The following ARAP2 variants were observed in gnomAD, a reference collection of about 807,000 sequenced individuals.
ARAP2 encodes arf-GAP with Rho-GAP domain, ANK repeat and PH domain-containing protein 2.
ARAP2 carries 148 observed loss-of-function variants against 194.5 expected under a neutral mutation model. That is an observed-to-expected ratio of 0.76 (90% CI 0.67 to 0.87). The LOEUF is 0.87. Ranked by LOEUF, ARAP2 falls within the 40% of genes least tolerant of loss-of-function variation. The pLI, the probability that ARAP2 is intolerant of heterozygous loss-of-function variation, is 0.00. For missense variants in ARAP2, 2,128 were observed against 1,989.7 expected (o/e 1.07, Z -1.32); for synonymous variants, 695 against 683.5 (o/e 1.02, Z -0.26).
intron 2 of ARAP2, among the ~76,000 whole-genome samples, chr4:36,218,232 G>A (rs1748399336): frequency 6.6e-6 from 1 of 152,064 alleles, no homozygotes; most frequent in South Asian, 2.1e-4. Flanking sequence ...AAATTGAATA[G>A]CACATGTTCT....
At chr4:36,074,843 T>A (rs1018155605) in intron 31 of ARAP2, among the ~76,000 whole-genome samples, 2 of 152,076 alleles carry the variant, frequency 1.3e-5, no homozygotes, top group Non-Finnish European at 2.9e-5. Flanking sequence ...ACCTACCATA[T>A]AATAACAGCT....
At chr4:36,064,052 T>C (rs930927227), downstream of ARAP2, among the ~76,000 whole-genome samples, 1 of 152,214 alleles carries the variant, frequency 6.6e-6, no homozygotes, top group Non-Finnish European at 1.5e-5. Flanking sequence ...TGATTTTGAG[T>C]TCTCAGTGAC....
intron 5 of ARAP2, among the ~76,000 whole-genome samples, chr4:36,027,179 T>C (rs553006749): frequency 6.6e-6 from 1 of 152,288 alleles, no homozygotes; most frequent in South Asian, 2.1e-4. Flanking sequence ...TTGACGTATG[T>C]AAACTCATTT....
Position 36,242,461 on chromosome 4 carries a change from G to A in ARAP2, c.-160+1718C>T, listed in dbSNP as rs1753701231. Among the ~76,000 whole-genome samples the A allele has an allele frequency of 2.6e-5, 4 of 152,010 alleles. No homozygotes were observed. The South Asian group carries it at 8.3e-4, about 31-fold the overall frequency. On this transcript the variant is annotated intron_variant, in intron 1 of 32. Coordinates refer to ENST00000303965, the MANE Select transcript of ARAP2 (RefSeq NM_015230.4). ...GAGGTGGGTTAGAAAGTAACAAAAC[G>A]AAACAACAACAACAACAAAAAACTT...
rs141615252 is a variant in ARAP2, at chr4:36,069,505, TA to T, written c.4744-1228del. Among the ~76,000 whole-genome samples, 543 of 147,006 alleles carry T rather than the reference TA, an allele frequency of 3.7e-3. 5 individuals are homozygous for T. The highest frequency in any genetic ancestry group is 0.013 in the African/African-American group (511 of 40,184). On this transcript the variant is annotated intron_variant, in intron 32 of 32. Transcript: ENST00000303965. ...TATATGTATTTTATCGCAAATGAAG[TA>T]AAAAAAAAACAAGACAGGGTTTATA...
chr4:36,072,250 T>C (rs1727161994), intron 32 of ARAP2, among the ~76,000 whole-genome samples: 2 of 152,166 alleles, frequency 1.3e-5, no homozygotes, highest in Non-Finnish European at 2.9e-5. Context: ...GCTTGGTTTA[T>C]TTTAAAGACT....
At chr4:36,076,837 C>T (rs1013129230) in intron 31 of ARAP2, among the ~76,000 whole-genome samples, 2 of 152,074 alleles carry the variant, frequency 1.3e-5, no homozygotes, top group Non-Finnish European at 2.9e-5. Context: ...TTTTATGTGG[C>T]CAAAATAGAA....
At chr4:36,092,114 TAAG>T (rs1351456676) in intron 27 of ARAP2, 94 bp from the exon 28 acceptor site, 1 of 1,358,016 alleles carries the variant, frequency 7.4e-7, no homozygotes, top group Non-Finnish European at 9.8e-7. Context: ...ATAGAAAAAA[TAAG>T]AACTTGTTTA....
intron 32 of ARAP2, 25 bp from the exon 33 acceptor site, chr4:36,068,303 C>A (rs1725989377): frequency 6.7e-7 from 1 of 1,502,058 alleles, no homozygotes; most frequent in Non-Finnish European, 8.9e-7. Context: ...AAATGTCTCA[C>A]AGGGAAGCAA....
intron 1 of ARAP2, among the ~76,000 whole-genome samples, chr4:36,240,952 C>A (rs1161879356): frequency 1.3e-5 from 2 of 152,104 alleles, no homozygotes; most frequent in African/African-American, 4.8e-5. Context: ...TGGATAATAT[C>A]GCAATAGTTA....
At chr4:36,242,129 T>C (rs1484932606) in intron 1 of ARAP2, among the ~76,000 whole-genome samples, 1 of 152,186 alleles carries the variant, frequency 6.6e-6, no homozygotes, top group Non-Finnish European at 1.5e-5. Context: ...AATTACAAGG[T>C]CCAGAACTTT....
rs960241463 is a variant in ARAP2 at position 36,187,487 on chromosome 4, T to C, written c.1642A>G (p.Thr548Ala). Residue 548 changes from threonine (T) to alanine (A), a missense_variant, in exon 8 of 33, where the codon ACA (threonine) becomes GCA (alanine). By Grantham distance (58) the Thr-to-Ala change is moderately conservative (BLOSUM62 0). Coordinates refer to ENST00000303965, the MANE Select transcript of ARAP2 (RefSeq NM_015230.4). ...ACTCTAAAAACAAAAGTTCTTTGTG[T>C]TGTAACAACTTCAAATTTGTTGTCT... ...QGDNKFEVVT[T>A]QRTFVFRVEK... 50 of 1,519,390 alleles carry C rather than the reference T, an allele frequency of 3.3e-5. No homozygotes were observed. Among genetic ancestry groups the C allele is most frequent in the Non-Finnish European group, 4.4e-5 (49 of 1,120,646 alleles). The allele number at this position is 1,519,390 out of a possible 1,614,324, so 94.1% of individuals were successfully genotyped here.
chr4:36,208,765 C>T (rs377589659), intron 6 of ARAP2, among the ~76,000 whole-genome samples: 1 of 151,548 alleles, frequency 6.6e-6, no homozygotes, highest in Admixed American at 6.6e-5. Flanking sequence ...TTTAAAATTT[C>T]TTGGTGATAT....
At chr4:36,099,961 G>A (rs1716406755) in intron 27 of ARAP2, among the ~76,000 whole-genome samples, 1 of 152,036 alleles carries the variant, frequency 6.6e-6, no homozygotes. Flanking sequence ...CCTTACAAAA[G>A]TCTGATGACT....
At chr4:36,184,620 G>T (rs1187387746) in intron 8 of ARAP2, among the ~76,000 whole-genome samples, 1 of 152,098 alleles carries the variant, frequency 6.6e-6, no homozygotes, top group Admixed American at 6.5e-5. Flanking sequence ...AATAAAACGT[G>T]TCTGTTTAAC....
intron 1 of ARAP2, among the ~76,000 whole-genome samples, chr4:36,241,709 T>G (rs546805479): frequency 1.3e-5 from 2 of 152,176 alleles, no homozygotes; most frequent in Non-Finnish European, 2.9e-5. Flanking sequence ...ATTTGATATA[T>G]TCCAAAAAAA....
chr4:36,133,070 T>C (rs542593692), intron 20 of ARAP2, among the ~76,000 whole-genome samples, 156 bp downstream of exon 20: 106 of 151,870 alleles, frequency 7.0e-4, no homozygotes, highest in African/African-American at 2.4e-3. Flanking sequence ...GGAGAAGGAA[T>C]GGTAATTAGC....
chr4:36,200,921 A>T (rs1744234652), intron 6 of ARAP2, among the ~76,000 whole-genome samples: 1 of 152,248 alleles, frequency 6.6e-6, no homozygotes, highest in South Asian at 2.1e-4. Flanking sequence ...ATTTTAAAAA[A>T]CAGGAAAAGA....
intron 6 of ARAP2, among the ~76,000 whole-genome samples, chr4:36,196,916 A>G (rs1578239211): frequency 1.3e-5 from 2 of 151,274 alleles, no homozygotes; most frequent in African/African-American, 4.9e-5. Flanking sequence ...GCTCCTTCTT[A>G]TTCTTGAGAG....
Sources: allele counts gnomAD v4.1 joint callset (sites outside exome capture counted in the v4.1 genomes callset), GRCh38; gene constraint gnomAD v4.1.1; transcripts MANE v1.5; gene names NCBI Gene and HGNC (gene_info 2026-07-23, HGNC 2026-07-21).